Variants in LINGO2 observed in about 807,000 individuals in gnomAD.
The protein encoded by LINGO2 is leucine rich repeat and Ig domain containing 2.
In LINGO2, 14 loss-of-function variants were observed where a neutral mutation model predicts 30.6. The observed-to-expected ratio is 0.46, with a 90% CI of 0.30 to 0.72. The LOEUF is 0.72. Ranked by LOEUF, LINGO2 falls within the 30% of genes least tolerant of loss-of-function variation. The probability of loss-of-function intolerance (pLI) is 0.07; values close to 1 mark genes in which losing one functional copy is unlikely to be tolerated. For missense variants in LINGO2, 729 were observed against 751.7 expected, an observed-to-expected ratio of 0.97 and a Z score of 0.35; for synonymous variants, 317 against 288.5, an observed-to-expected ratio of 1.10 and a Z score of -1.00.
At chr9:28,384,048 CAT>C (rs1821468123) in intron 2 of LINGO2, among the ~76,000 whole-genome samples, 1 of 151,954 alleles carries the variant, frequency 6.6e-6, no homozygotes, top group African/African-American at 2.4e-5. Context: ...CACAATACAA[CAT>C]ATGTGAACAT....
the LINGO2 span, among the ~76,000 whole-genome samples, chr9:29,184,818 C>G: frequency 1.3e-4 from 19 of 151,784 alleles, no homozygotes; most frequent in Non-Finnish European, 2.1e-4. Flanking sequence ...TACACTTAAG[C>G]CCAAATAAAT....
intron 4 of LINGO2, among the ~76,000 whole-genome samples, chr9:28,034,071 T>C (rs1481214507): frequency 1.3e-5 from 2 of 152,162 alleles, no homozygotes; most frequent in East Asian, 3.9e-4. Flanking sequence ...CTCCTCCCTG[T>C]CTAGGAGGCT....
At chr9:28,993,843 A>T in the LINGO2 span, among the ~76,000 whole-genome samples, 1 of 152,168 alleles carries the variant, frequency 6.6e-6, no homozygotes, top group Non-Finnish European at 1.5e-5. Context: ...ACTCTCAATA[A>T]ATTAGGTACT....
intron 2 of LINGO2, among the ~76,000 whole-genome samples, chr9:28,429,667 A>G (rs1301621007): frequency 6.6e-6 from 1 of 152,188 alleles, no homozygotes; most frequent in Non-Finnish European, 1.5e-5. Context: ...CAGTAAAAAT[A>G]GTCTTCAAGC....
chr9:28,724,510 C>G, the LINGO2 span, among the ~76,000 whole-genome samples: 1 of 152,088 alleles, frequency 6.6e-6, no homozygotes. Context: ...TGCCATAGAC[C>G]TCTCATTCCC....
intron 2 of LINGO2, among the ~76,000 whole-genome samples, chr9:28,411,253 C>T (rs1488016420): frequency 2.0e-5 from 3 of 151,656 alleles, no homozygotes; most frequent in South Asian, 2.1e-4. Flanking sequence ...CCACATGCTC[C>T]TTTTTTTTAG....
rs141726440 is a variant in LINGO2, at chr9:28,207,784, A to G, written c.-87+87424T>C. 1.7e-3 allele frequency among the ~76,000 whole-genome samples: 260 copies of G among 152,296 alleles called. 3 individuals carry two copies. The South Asian group carries it at 0.034, about 20-fold the overall frequency. On this transcript the variant is annotated intron_variant, in intron 4 of 5. Transcript: ENST00000379992. ...TATGAAGACATAAACATTTGGTGCC[A>G]TGCCTAAAAATAATTAGCTATGTTT...
intron 4 of LINGO2, among the ~76,000 whole-genome samples, chr9:28,023,743 T>C (rs562364739): frequency 6.1e-4 from 93 of 152,274 alleles, no homozygotes; most frequent in African/African-American, 1.9e-3. Context: ...TCTTCTCCCC[T>C]GCCAAAGCCA....
At chr9:28,095,405 G>A (rs763060932) in intron 4 of LINGO2, among the ~76,000 whole-genome samples, 12 of 152,094 alleles carry the variant, frequency 7.9e-5, no homozygotes, top group South Asian at 4.2e-4. Context: ...AAATAACGCC[G>A]CATATCTACA....
Position 27,985,035 on chromosome 9 carries a change from T to C in LINGO2, c.-36+27320A>G, listed in dbSNP as rs575919818. Among the ~76,000 whole-genome samples the C allele has an allele frequency of 8.0e-5, 12 of 149,540 alleles. No individual in the cohort carries two copies. The East Asian group carries it at 2.4e-3, about 30-fold the overall frequency. ...TTTTGACAAAAATAATTAGACACGT[T>C]TCTCTTTGGACTCTGAATTATTTTA... On this transcript the variant is annotated intron_variant, in intron 5 of 5. Coordinates refer to ENST00000379992, the Ensembl canonical transcript of LINGO2.
chr9:28,641,962 C>T (rs1827610479), intron 1 of LINGO2, among the ~76,000 whole-genome samples: 1 of 151,700 alleles, frequency 6.6e-6, no homozygotes, highest in South Asian at 2.1e-4. Context: ...TTAGTCCTTA[C>T]AAGTTCCCAT....
chr9:28,422,243 GA>G (rs1359586281), intron 2 of LINGO2, among the ~76,000 whole-genome samples: 6 of 151,950 alleles, frequency 3.9e-5, no homozygotes, highest in African/African-American at 1.4e-4. Flanking sequence ...CATAATGAGT[GA>G]AAATATTTTC....
At chr9:28,395,686 AACAG>A (rs1822012025) in intron 2 of LINGO2, among the ~76,000 whole-genome samples, 1 of 152,198 alleles carries the variant, frequency 6.6e-6, no homozygotes, top group Non-Finnish European at 1.5e-5. Flanking sequence ...TATATACTTA[AACAG>A]ACATAGTATA....
At chr9:28,764,020 A>T in the LINGO2 span, among the ~76,000 whole-genome samples, 12 of 151,946 alleles carry the variant, frequency 7.9e-5, no homozygotes, top group East Asian at 1.9e-3. Context: ...AGATTGAATT[A>T]GTAATGAAAA....
chr9:28,621,740 A>G (rs1826403820), intron 1 of LINGO2, among the ~76,000 whole-genome samples: 1 of 152,060 alleles, frequency 6.6e-6, no homozygotes, highest in Non-Finnish European at 1.5e-5. Context: ...TAAAGCAAAT[A>G]TTGCAATAAA....
chr9:28,957,047 T>C, the LINGO2 span, among the ~76,000 whole-genome samples: 1 of 151,956 alleles, frequency 6.6e-6, no homozygotes, highest in Non-Finnish European at 1.5e-5. Flanking sequence ...CAGGAAATTG[T>C]CCCCTAAATT....
the LINGO2 span, among the ~76,000 whole-genome samples, chr9:28,836,887 C>T: frequency 6.6e-6 from 1 of 152,048 alleles, no homozygotes; most frequent in East Asian, 1.9e-4. Context: ...ATAAGGTCTC[C>T]TAACACATTG....
chr9:28,773,841 T>C, the LINGO2 span, among the ~76,000 whole-genome samples: 1 of 152,148 alleles, frequency 6.6e-6, no homozygotes, highest in African/African-American at 2.4e-5. Flanking sequence ...TTTTCAGTCC[T>C]CAGGAGTCCT....
intron 4 of LINGO2, among the ~76,000 whole-genome samples, chr9:28,054,683 T>C (rs976584334): frequency 2.6e-5 from 4 of 152,122 alleles, no homozygotes; most frequent in African/African-American, 9.7e-5. Context: ...TTGCCTCCCC[T>C]AATTCACAAA....
Sources: gnomAD v4.1 joint callset for allele counts (sites outside exome capture counted in the v4.1 genomes callset) on GRCh38, gnomAD v4.1.1 for gene constraint, MANE v1.5 for transcripts, NCBI Gene and HGNC (gene_info 2026-07-23, HGNC 2026-07-21) for gene names.